ARMC3: variants seen among roughly 807,000 people sequenced by gnomAD.
The protein encoded by ARMC3 is armadillo repeat containing 3.
ARMC3 carries 74 observed loss-of-function variants against 90.3 expected under a neutral mutation model. The observed-to-expected ratio is 0.82, with a 90% CI of 0.68 to 0.99. The LOEUF (loss-of-function observed/expected upper bound fraction) is 0.99, where lower values mean the gene tolerates loss of function less well. Ranked by LOEUF, ARMC3 falls within the 50% of genes least tolerant of loss-of-function variation. The probability of loss-of-function intolerance (pLI) is 0.00; values close to 1 mark genes in which losing one functional copy is unlikely to be tolerated. For missense variants in ARMC3, 958 were observed against 1,042.8 expected (o/e 0.92, Z 1.12); for synonymous variants, 334 against 361.8 (o/e 0.92, Z 0.87).
intron 15 of ARMC3, 84 bp downstream of exon 15, chr10:23,008,458 G>A (rs1437052681): frequency 2.6e-6 from 2 of 781,216 alleles, no homozygotes; most frequent in African/African-American, 1.8e-5. Flanking sequence ...TTAGATTGGG[G>A]CAACTTGATT....
chr10:23,024,604 A>AT (rs1283589418), intron 16 of ARMC3, among the ~76,000 whole-genome samples: 3 of 152,190 alleles, frequency 2.0e-5, no homozygotes, highest in African/African-American at 2.4e-5. Flanking sequence ...AAGCAGTAAA[A>AT]TGTGGATACC....
intron 18 of ARMC3, among the ~76,000 whole-genome samples, chr10:23,035,926 G>C (rs1234596510): frequency 6.6e-6 from 1 of 152,186 alleles, no homozygotes; most frequent in African/African-American, 2.4e-5. Flanking sequence ...GGGAGTTTCA[G>C]ATGGGAATTC....
chr10:23,036,949 G>A (rs540875464), intron 18 of ARMC3, among the ~76,000 whole-genome samples: 24 of 152,198 alleles, frequency 1.6e-4, no homozygotes, highest in Non-Finnish European at 1.9e-4. Flanking sequence ...TGGAAAGATG[G>A]ATAGATGCAC....
intron 7 of ARMC3, among the ~76,000 whole-genome samples, chr10:22,963,916 C>T (rs1588851144): frequency 3.0e-5 from 1 of 33,724 alleles, no homozygotes; most frequent in Non-Finnish European, 6.5e-5. Flanking sequence ...CACACACACA[C>T]ACACACAAAA....
chr10:22,952,531 T>G (rs1009795074), intron 3 of ARMC3, among the ~76,000 whole-genome samples: 2 of 152,200 alleles, frequency 1.3e-5, no homozygotes, highest in African/African-American at 4.8e-5. Flanking sequence ...AAATTTGTAG[T>G]TAAAAACTTT....
chr10:22,953,118 G>C (rs1834798035), intron 3 of ARMC3, among the ~76,000 whole-genome samples: 3 of 152,174 alleles, frequency 2.0e-5, no homozygotes, highest in Admixed American at 1.3e-4. Context: ...AAGAGAGTCA[G>C]AATTGGAGAA....
rs562018374 is a variant in ARMC3 at position 22,946,110 on chromosome 10, A to G, written c.49-34A>G. Reference sequence around the variant, plus strand: ...TTTTAATGTGATTTTTAAAGCTCATATGTGAAACTGATAGTTTTCTTTCTG... The same window carrying G: ...TTTTAATGTGATTTTTAAAGCTCATGTGTGAAACTGATAGTTTTCTTTCTG... On this transcript the variant is annotated intron_variant, in intron 2 of 18. Coordinates refer to ENST00000298032, the MANE Select transcript of ARMC3 (RefSeq NM_173081.5). 2.8e-6 allele frequency: 4 copies of G among 1,411,308 alleles called. No homozygotes were observed. The African/African-American group carries it at 4.3e-5, about 15-fold the overall frequency. The allele number at this position is 1,411,308 out of a possible 1,614,324, so 87.4% of individuals were successfully genotyped here.
At chr10:22,991,176 T>G (rs1836694510) in intron 10 of ARMC3, among the ~76,000 whole-genome samples, 1 of 152,232 alleles carries the variant, frequency 6.6e-6, no homozygotes. Context: ...TGTTTGTTTT[T>G]CCGGTCTCTG....
intron 4 of ARMC3, among the ~76,000 whole-genome samples, chr10:22,957,835 C>A (rs892716407): frequency 2.0e-5 from 3 of 151,986 alleles, no homozygotes; most frequent in African/African-American, 2.4e-5. Flanking sequence ...AAATTATAAT[C>A]AAAAAAGGGA....
intron 16 of ARMC3, 126 bp from the exon 17 acceptor site, chr10:23,030,470 C>T: frequency 6.9e-7 from 1 of 1,445,462 alleles, no homozygotes; most frequent in Non-Finnish European, 9.1e-7. Context: ...CCACACAGTT[C>T]AATCTCATGT....
chr10:22,949,950 G>C (rs1834678733), intron 3 of ARMC3, among the ~76,000 whole-genome samples: 1 of 152,054 alleles, frequency 6.6e-6, no homozygotes, highest in African/African-American at 2.4e-5. Flanking sequence ...ATCATCAGAA[G>C]TTATGCAAGT....
intron 4 of ARMC3, 80 bp downstream of exon 4, chr10:22,956,012 T>C (rs1320533740): frequency 7.6e-7 from 1 of 1,311,858 alleles, no homozygotes; most frequent in Non-Finnish European, 1.0e-6. Context: ...ATTAAGGAAT[T>C]TGTTTCAATT....
At chr10:22,952,103 G>A (rs1054537599) in intron 3 of ARMC3, among the ~76,000 whole-genome samples, 4 of 151,942 alleles carry the variant, frequency 2.6e-5, no homozygotes, top group Admixed American at 6.6e-5. Flanking sequence ...CCAGCCTGGC[G>A]ACAGAGTGAG....
intron 16 of ARMC3, among the ~76,000 whole-genome samples, chr10:23,019,434 T>C (rs537259335): frequency 2.0e-5 from 3 of 152,332 alleles, no homozygotes; most frequent in East Asian, 3.9e-4. Flanking sequence ...AAGTGGAGAT[T>C]TGTATAACCA....
At position 23,001,979 on chromosome 10, in the gene ARMC3, G is replaced by A; in HGVS notation, c.1486G>A (p.Val496Met). 6.2e-7 allele frequency: 1 copy of A among 1,613,980 alleles called. No individual in the cohort carries two copies. Among genetic ancestry groups the A allele is most frequent in the Non-Finnish European group, 8.5e-7 (1 of 1,179,860 alleles). The part of the protein sequence containing the change: ...VELLRSKNDE[V>M]RKHASWAVMV... Reference sequence around the variant, plus strand: ...GCTGCTACGCTCCAAGAATGATGAAGTGAGGAAGCACGCCAGTTGGGCAGT... The same window carrying A: ...GCTGCTACGCTCCAAGAATGATGAAATGAGGAAGCACGCCAGTTGGGCAGT... Residue 496 changes from valine to methionine, a missense_variant, in exon 12 of 19, where the codon GTG becomes ATG. By Grantham distance (21) the Val-to-Met change is conservative (BLOSUM62 1). Coordinates refer to ENST00000298032, the MANE Select transcript of ARMC3 (RefSeq NM_173081.5).
chr10:22,939,007 G>A (rs1006710096), intron 2 of ARMC3, among the ~76,000 whole-genome samples: 2 of 152,140 alleles, frequency 1.3e-5, no homozygotes, highest in African/African-American at 2.4e-5. Flanking sequence ...CCCAGATGGT[G>A]GCTTTAGTGA....
intron 2 of ARMC3, among the ~76,000 whole-genome samples, chr10:22,942,099 T>C (rs1834347263): frequency 6.6e-6 from 1 of 152,100 alleles, no homozygotes; most frequent in South Asian, 2.1e-4. Context: ...ATTCAGATAA[T>C]AGAACATGCA....
chr10:23,008,663 T>C, intron 15 of ARMC3, 152 bp from the exon 16 acceptor site: 1 of 717,340 alleles, frequency 1.4e-6, no homozygotes, highest in South Asian at 2.0e-5. Flanking sequence ...ACCGGGTCCC[T>C]GGCTTCATCA....
chr10:22,937,507 G>A (rs1397593790), intron 2 of ARMC3, among the ~76,000 whole-genome samples: 2 of 152,260 alleles, frequency 1.3e-5, no homozygotes, highest in Middle Eastern at 6.8e-3. Context: ...GACATGAGGG[G>A]AAGTGCCCTA....
Sources: allele counts gnomAD v4.1 joint callset (sites outside exome capture counted in the v4.1 genomes callset), GRCh38; gene constraint gnomAD v4.1.1; transcripts MANE v1.5; gene names NCBI Gene and HGNC (gene_info 2026-07-23, HGNC 2026-07-21).